PPP1R12A: variants seen among roughly 807,000 people sequenced by gnomAD.
The protein encoded by PPP1R12A is myosin binding subunit.
In PPP1R12A, 19 loss-of-function variants were observed where a neutral mutation model predicts 139.6. The ratio of observed to expected loss-of-function variants is 0.14; its 90% CI spans 0.09 to 0.20. PPP1R12A has a LOEUF of 0.20. PPP1R12A is among the 10% of genes least tolerant of loss of function. The probability of loss-of-function intolerance (pLI) is 1.00; values close to 1 mark genes in which losing one functional copy is unlikely to be tolerated. For missense variants in PPP1R12A, 925 were observed against 1,211.5 expected (o/e 0.76, Z 3.51); for synonymous variants, 427 against 420.6 (o/e 1.02, Z -0.19).
chr12:79,798,687 T>C, intron 14 of PPP1R12A, 103 bp from the exon 15 acceptor site: 1 of 523,664 alleles, frequency 1.9e-6, no homozygotes, highest in East Asian at 3.3e-5. Flanking sequence ...AATATCTTAG[T>C]AAGTTTTAAG....
intron 1 of PPP1R12A, among the ~76,000 whole-genome samples, chr12:79,907,819 G>C (rs914283301): frequency 6.6e-6 from 1 of 152,128 alleles, no homozygotes; most frequent in East Asian, 1.9e-4. Context: ...TGTTGCTTGA[G>C]CCAAGGAGTT....
chr12:79,788,864 C>T, intron 20 of PPP1R12A, 81 bp from the exon 21 acceptor site: 1 of 1,235,768 alleles, frequency 8.1e-7, no homozygotes, highest in Non-Finnish European at 1.1e-6. Flanking sequence ...ACACATATAA[C>T]TTGACAGTTC....
intron 1 of PPP1R12A, among the ~76,000 whole-genome samples, chr12:79,921,525 C>A (rs1037323997): frequency 2.6e-5 from 4 of 152,136 alleles, no homozygotes; most frequent in African/African-American, 9.7e-5. Context: ...GGATGTCTTC[C>A]ATTGATACTC....
intron 1 of PPP1R12A, among the ~76,000 whole-genome samples, chr12:79,929,119 A>G (rs1888062794): frequency 6.6e-6 from 1 of 152,298 alleles, no homozygotes; most frequent in Non-Finnish European, 1.5e-5. Context: ...ATCATCAGGA[A>G]TTAGATGCTC....
At chr12:79,900,186 G>T (rs1369090161) in intron 1 of PPP1R12A, among the ~76,000 whole-genome samples, 1 of 152,156 alleles carries the variant, frequency 6.6e-6, no homozygotes, top group Non-Finnish European at 1.5e-5. Context: ...TCAAAATGCA[G>T]ATCTGTGAAA....
chr12:79,832,253 T>C (rs1362712925), intron 4 of PPP1R12A, 79 bp downstream of exon 4: 2 of 1,335,344 alleles, frequency 1.5e-6, no homozygotes, highest in Admixed American at 2.5e-5. Context: ...AAATAACGTT[T>C]GCAGGTATTT....
At chr12:79,838,948 C>T (rs552707735) in intron 3 of PPP1R12A, among the ~76,000 whole-genome samples, 1 of 152,130 alleles carries the variant, frequency 6.6e-6, no homozygotes, top group Non-Finnish European at 1.5e-5. Flanking sequence ...TCTTCCAGAC[C>T]CCAGAATGAC....
intron 24 of PPP1R12A, chr12:79,778,210 A>C (rs1400039037): frequency 6.3e-6 from 1 of 157,756 alleles, no homozygotes; most frequent in Non-Finnish European, 1.3e-5. Context: ...ATAGAAACAT[A>C]AAGAATAAAT....
intron 19 of PPP1R12A, among the ~76,000 whole-genome samples, chr12:79,792,451 T>G (rs1008704652): frequency 6.6e-6 from 1 of 152,200 alleles, no homozygotes; most frequent in Non-Finnish European, 1.5e-5. Flanking sequence ...CAGTTTGACT[T>G]AGGTTTCATA....
intron 2 of PPP1R12A, among the ~76,000 whole-genome samples, chr12:79,852,202 T>C (rs970507867): frequency 2.6e-5 from 4 of 151,112 alleles, no homozygotes; most frequent in African/African-American, 9.7e-5. Context: ...TCTTTTTTTT[T>C]TTTTTTGAGA....
intron 4 of PPP1R12A, among the ~76,000 whole-genome samples, chr12:79,830,787 A>C (rs2137149007): frequency 6.6e-6 from 1 of 152,308 alleles, no homozygotes; most frequent in East Asian, 1.9e-4. Context: ...ATGGTGAATA[A>C]AAGCATCCAG....
chr12:79,806,247 C>T lies in PPP1R12A; in HGVS notation c.1742G>A (p.Gly581Glu). 6.2e-7 allele frequency: 1 copy of T among 1,613,732 alleles called. No individual in the cohort carries two copies. Among genetic ancestry groups the T allele is most frequent in the Non-Finnish European group, 8.5e-7 (1 of 1,179,700 alleles). The change falls in exon 13 of 25, where the codon GGG (glycine) becomes GAG (glutamate). Residue 581 changes from glycine (G) to glutamate (E), a missense_variant. Transcript: ENST00000450142. The part of the protein sequence containing the change: ...TSTPTVTSAA[G>E]LQKSLLSSTS... ...GCTGGAAAGCAGGCTTTTCTGAAGC[C>T]CAGCTGCAGAGGTAACTGTTGGTGT...
At chr12:79,930,119 A>G (rs980112370) in intron 1 of PPP1R12A, among the ~76,000 whole-genome samples, 9 of 152,224 alleles carry the variant, frequency 5.9e-5, no homozygotes, top group African/African-American at 2.2e-4. Flanking sequence ...GGAGAGGCAG[A>G]ATATAAGGTA....
chr12:79,935,204 A>T (rs1451202647), upstream of PPP1R12A: 2 of 1,308,122 alleles, frequency 1.5e-6, no homozygotes, highest in Non-Finnish European at 1.9e-6. Flanking sequence ...ACTTCGCGAG[A>T]TCCGGACTGG....
intron 3 of PPP1R12A, among the ~76,000 whole-genome samples, chr12:79,842,408 T>C (rs773759148): frequency 1.9e-4 from 29 of 152,228 alleles, no homozygotes; most frequent in Admixed American, 3.3e-4. Context: ...TATTCCTTTC[T>C]AATCCTTAGT....
chr12:79,892,284 C>A (rs988638746), intron 1 of PPP1R12A, among the ~76,000 whole-genome samples: 1 of 152,112 alleles, frequency 6.6e-6, no homozygotes. Context: ...TAACACTAGA[C>A]CACCCTCCAT....
intron 1 of PPP1R12A, among the ~76,000 whole-genome samples, chr12:79,882,931 G>A (rs1055169817): frequency 2.0e-5 from 3 of 152,122 alleles, no homozygotes; most frequent in African/African-American, 7.2e-5. Flanking sequence ...GAGGTCAGGA[G>A]TATGGGACCA....
intron 2 of PPP1R12A, among the ~76,000 whole-genome samples, chr12:79,850,564 A>T (rs572969046): frequency 6.6e-6 from 1 of 152,366 alleles, no homozygotes; most frequent in South Asian, 2.1e-4. Flanking sequence ...AGACAAAGAA[A>T]GCAATTATCA....
At chr12:79,923,277 A>T (rs916014704) in intron 1 of PPP1R12A, among the ~76,000 whole-genome samples, 3 of 152,192 alleles carry the variant, frequency 2.0e-5, no homozygotes, top group Non-Finnish European at 2.9e-5. Flanking sequence ...TCGTCTCAAA[A>T]AAATAAATAA....
Sources: allele counts gnomAD v4.1 joint callset (sites outside exome capture counted in the v4.1 genomes callset), GRCh38; gene constraint gnomAD v4.1.1; transcripts MANE v1.5; gene names NCBI Gene and HGNC (gene_info 2026-07-23, HGNC 2026-07-21).